The following SCRG1 variants were observed in gnomAD, a reference collection of about 807,000 sequenced individuals.
SCRG1 encodes the protein scrapie-responsive protein 1.
A neutral mutation model predicts 7.7 loss-of-function variants in SCRG1; 3 were observed. The observed-to-expected ratio is 0.39, with a 90% CI of 0.18 to 1.01. The LOEUF (loss-of-function observed/expected upper bound fraction) is 1.01, where lower values mean the gene tolerates loss of function less well. Among genes scored for constraint, SCRG1 ranks in the 50% least tolerant of loss-of-function variants. The pLI is 0.36. For missense variants in SCRG1, 110 were observed against 117.2 expected (o/e 0.94, Z 0.28); for synonymous variants, 46 against 41.2 (o/e 1.12, Z -0.44).
chr4:173,464,838 C>T, the SCRG1 span, among the ~76,000 whole-genome samples: 4 of 152,248 alleles, frequency 2.6e-5, no homozygotes, highest in East Asian at 7.7e-4. Flanking sequence ...GTAGAAACAA[C>T]CCAAATGTCC....
At chr4:173,404,199 G>A (rs1050338334) in intron 2 of SCRG1, 1 of 152,148 alleles carries the variant, frequency 6.6e-6, no homozygotes, top group African/African-American at 2.4e-5. Flanking sequence ...TTAGCCTGCT[G>A]CCACAATAAA....
chr4:173,479,021 C>T, the SCRG1 span, among the ~76,000 whole-genome samples: 1 of 152,174 alleles, frequency 6.6e-6, no homozygotes, highest in African/African-American at 2.4e-5. Context: ...GTCTACTAGC[C>T]GTCATTCCCA....
At chr4:173,482,319 ACTTGGGTTGGAAGGATCCACAAATTC>A in the SCRG1 span, among the ~76,000 whole-genome samples, 5 of 152,162 alleles carry the variant, frequency 3.3e-5, no homozygotes, top group African/African-American at 1.2e-4. Flanking sequence ...GAGACTCTTA[ACTTGGGTTGGAAGGATCCACAAATTC>A]CCCTGAAATT....
chr4:173,492,669 C>A, the SCRG1 span, among the ~76,000 whole-genome samples: 1 of 152,232 alleles, frequency 6.6e-6, no homozygotes, highest in African/African-American at 2.4e-5. Context: ...GGAGACTAGA[C>A]AGTGGGCCAT....
the SCRG1 span, among the ~76,000 whole-genome samples, chr4:173,493,745 C>T: frequency 2.0e-5 from 3 of 152,028 alleles, no homozygotes; most frequent in East Asian, 1.9e-4. Context: ...CCTCTATTCT[C>T]TTAGTAGTCT....
chr4:173,484,652 T>TTATATATTATATGCATATAATATATAA, the SCRG1 span, among the ~76,000 whole-genome samples: 42 of 93,590 alleles, frequency 4.5e-4, no homozygotes, highest in African/African-American at 1.9e-3. Context: ...ATAATATATA[T>TTATATATTATATGCATATAATATATAA]TATATATTAT....
chr4:173,511,018 G>A, the SCRG1 span, among the ~76,000 whole-genome samples: 2 of 152,306 alleles, frequency 1.3e-5, no homozygotes, highest in East Asian at 3.9e-4. This position sits in a 1 kb window ranked among gnomAD's most constrained non-coding sequence, Gnocchi z 5.2. Context: ...CTAGGGTGGA[G>A]TGCAGTGGCA....
the SCRG1 span, among the ~76,000 whole-genome samples, chr4:173,420,705 GAAA>G: frequency 2.2e-5 from 3 of 134,382 alleles, no homozygotes; most frequent in Non-Finnish European, 4.8e-5. Flanking sequence ...GAGCCAAGCT[GAAA>G]AAAAAAAAAA....
chr4:173,444,220 C>T, the SCRG1 span, among the ~76,000 whole-genome samples: 5 of 152,156 alleles, frequency 3.3e-5, no homozygotes, highest in South Asian at 2.1e-4. Context: ...GTGATTCACC[C>T]GCCTCGGCCT....
chr4:173,516,453 A>C, the SCRG1 span, among the ~76,000 whole-genome samples: 2 of 152,200 alleles, frequency 1.3e-5, no homozygotes, highest in Non-Finnish European at 2.9e-5. Flanking sequence ...GTTTCTAAAG[A>C]AAGCACTGGT....
At chr4:173,503,145 G>A in the SCRG1 span, among the ~76,000 whole-genome samples, 2 of 152,252 alleles carry the variant, frequency 1.3e-5, no homozygotes, top group South Asian at 2.1e-4. The surrounding 1 kb of genome is among the most constrained non-coding windows in gnomAD (Gnocchi z 6.4). Context: ...TCCACCTCTC[G>A]GTTTAGGCCA....
chr4:173,518,974 C>A, the SCRG1 span, among the ~76,000 whole-genome samples: 1 of 151,788 alleles, frequency 6.6e-6, no homozygotes, highest in Non-Finnish European at 1.5e-5. Flanking sequence ...CGCGCCCCTA[C>A]CCACCGGGTT....
At chr4:173,465,033 G>A in the SCRG1 span, among the ~76,000 whole-genome samples, 1 of 152,150 alleles carries the variant, frequency 6.6e-6, no homozygotes, top group Non-Finnish European at 1.5e-5. Context: ...CAAGTACCTA[G>A]TATAGTCAAA....
the SCRG1 span, among the ~76,000 whole-genome samples, chr4:173,426,657 C>T: frequency 6.6e-6 from 1 of 152,140 alleles, no homozygotes; most frequent in Admixed American, 6.5e-5. Flanking sequence ...CTTGTGGAGA[C>T]AAGTTCTCAC....
At chr4:173,483,518 A>ATTATATATTATATTCTGATATATAATATT in the SCRG1 span, among the ~76,000 whole-genome samples, 2 of 87,964 alleles carry the variant, frequency 2.3e-5, 1 homozygote, top group East Asian at 6.1e-4. Flanking sequence ...TATATAATAT[A>ATTATATATTATATTCTGATATATAATATT]TATTATATAT....
At chr4:173,398,362 CCTT>C (rs749179843) in intron 1 of SCRG1, 3 of 152,190 alleles carry the variant, frequency 2.0e-5, no homozygotes, top group Non-Finnish European at 2.9e-5. Context: ...GCATCATTCT[CCTT>C]CTTTTCCTGG....
At chr4:173,494,981 G>A in the SCRG1 span, among the ~76,000 whole-genome samples, 1 of 152,182 alleles carries the variant, frequency 6.6e-6, no homozygotes, top group Non-Finnish European at 1.5e-5. Flanking sequence ...GGCCATCCTA[G>A]GATTCTGATC....
At chr4:173,447,261 G>A in the SCRG1 span, among the ~76,000 whole-genome samples, 3 of 152,126 alleles carry the variant, frequency 2.0e-5, no homozygotes, top group African/African-American at 7.2e-5. Flanking sequence ...TAGCTTTCTG[G>A]TCTCTTCCCA....
At chr4:173,516,095 A>C in the SCRG1 span, among the ~76,000 whole-genome samples, 3 of 152,176 alleles carry the variant, frequency 2.0e-5, no homozygotes, top group Non-Finnish European at 4.4e-5. Context: ...CTTTGCAGAC[A>C]GAATCGTCCT....
Sources: allele counts gnomAD v4.1 joint callset (sites outside exome capture counted in the v4.1 genomes callset), GRCh38; gene constraint gnomAD v4.1.1; non-coding constraint Gnocchi (gnomAD v3.1); transcripts MANE v1.5; gene names NCBI Gene and HGNC (gene_info 2026-07-23, HGNC 2026-07-21).